Variants in PLD1 observed in about 807,000 individuals in gnomAD.
PLD1 encodes phospholipase D1.
PLD1 carries 112 observed loss-of-function variants against 137.1 expected under a neutral mutation model. The ratio of observed to expected loss-of-function variants is 0.82; its 90% CI spans 0.70 to 0.96. The LOEUF is 0.96. Among genes scored for constraint, PLD1 ranks in the 40% least tolerant of loss-of-function variants. PLD1 has a pLI of 0.00. For synonymous variants in PLD1, 431 were observed against 454.7 expected (o/e 0.95, Z 0.66); for missense variants, 1,321 against 1,342.0 (o/e 0.98, Z 0.24).
At chr3:171,638,506 C>T (rs1187108582) in intron 23 of PLD1, among the ~76,000 whole-genome samples, 1 of 152,090 alleles carries the variant, frequency 6.6e-6, no homozygotes, top group African/African-American at 2.4e-5. Context: ...TAACTGTATT[C>T]CTTTCTCCTA....
At chr3:171,644,008 T>A (rs948628404) in intron 22 of PLD1, among the ~76,000 whole-genome samples, 1 of 152,040 alleles carries the variant, frequency 6.6e-6, no homozygotes, top group South Asian at 2.1e-4. Flanking sequence ...AGCAGGAGCA[T>A]CTGGCGAGGG....
At chr3:171,759,992 T>C (rs1448285277) in intron 1 of PLD1, among the ~76,000 whole-genome samples, 1 of 152,228 alleles carries the variant, frequency 6.6e-6, no homozygotes, top group Non-Finnish European at 1.5e-5. Flanking sequence ...TCATTGTTGC[T>C]ACAAAAGGGT....
chr3:171,775,939 G>A (rs900281830), intron 1 of PLD1, among the ~76,000 whole-genome samples: 3 of 152,060 alleles, frequency 2.0e-5, no homozygotes, highest in Admixed American at 6.5e-5. Context: ...GCGAAAAGGG[G>A]GACCCTAGTA....
At chr3:171,622,409 C>T (rs1294617428) in intron 23 of PLD1, among the ~76,000 whole-genome samples, 1 of 152,082 alleles carries the variant, frequency 6.6e-6, no homozygotes, top group Non-Finnish European at 1.5e-5. Context: ...TTAGTATACA[C>T]TAAGAAAATA....
intron 20 of PLD1, among the ~76,000 whole-genome samples, chr3:171,659,998 G>A (rs1046766004): frequency 2.0e-5 from 3 of 152,080 alleles, no homozygotes; most frequent in African/African-American, 7.2e-5. Flanking sequence ...TCATAACAAT[G>A]CAAAATATTT....
At chr3:171,790,654 G>A (rs1305673612) in intron 1 of PLD1, among the ~76,000 whole-genome samples, 1 of 152,196 alleles carries the variant, frequency 6.6e-6, no homozygotes, top group Non-Finnish European at 1.5e-5. Flanking sequence ...GCCTGCAAAG[G>A]AAGCTGGCAT....
At chr3:171,759,705 G>A (rs1488367908) in intron 1 of PLD1, among the ~76,000 whole-genome samples, 11 of 152,178 alleles carry the variant, frequency 7.2e-5, no homozygotes, top group South Asian at 4.1e-4. Context: ...TACACATACC[G>A]TTTTGTTTCA....
chr3:171,688,924 TC>T (rs1287416219), intron 13 of PLD1, 48 bp from the exon 14 acceptor site: 22 of 1,416,690 alleles, frequency 1.6e-5, no homozygotes, highest in Non-Finnish European at 2.1e-5. Context: ...GAAATGTCCT[TC>T]CTGTCATAAT....
At chr3:171,778,397 T>C (rs1722660129) in intron 1 of PLD1, among the ~76,000 whole-genome samples, 1 of 152,110 alleles carries the variant, frequency 6.6e-6, no homozygotes, top group Admixed American at 6.5e-5. Context: ...TTAAAACAAA[T>C]ATATATAAAG....
chr3:171,610,292 G>GA (rs768115215), intron 25 of PLD1, among the ~76,000 whole-genome samples: 8 of 152,116 alleles, frequency 5.3e-5, no homozygotes, highest in African/African-American at 9.7e-5. Context: ...TATTGTAGAA[G>GA]AATACTCGAT....
chr3:171,635,612 A>C (rs1309848752), intron 23 of PLD1, among the ~76,000 whole-genome samples: 1 of 151,730 alleles, frequency 6.6e-6, no homozygotes, highest in South Asian at 2.1e-4. Context: ...TTATTTTTTG[A>C]GTTATTTTTA....
At chr3:171,759,629 G>A (rs911204430) in intron 1 of PLD1, among the ~76,000 whole-genome samples, 4 of 152,162 alleles carry the variant, frequency 2.6e-5, no homozygotes, top group Non-Finnish European at 5.9e-5. Context: ...AGAAAAGCTA[G>A]AGAATTCCAT....
In PLD1 at chr3:171,712,847, A is replaced by G. The variant is rs375800108; in HGVS notation, c.911+1046T>C. ...AGGAAGGTGTAATGGCAGCACCATT[A>G]TATTTCCAGTCACAATCTTAAATGT... On this transcript the variant is annotated intron_variant, in intron 9 of 26. Transcript: ENST00000351298. Among the ~76,000 whole-genome samples the G allele has an allele frequency of 9.2e-5, 14 of 152,344 alleles. 1 individual carries two copies. The highest frequency in any genetic ancestry group is 3.4e-4 in the African/African-American group (14 of 41,580).
chr3:171,654,088 G>T (rs1348877477), intron 21 of PLD1: 6 of 378,642 alleles, frequency 1.6e-5, no homozygotes, highest in Non-Finnish European at 5.2e-6. Flanking sequence ...ATCACTTGAG[G>T]TTAGGAGTTC....
chr3:171,780,976 T>C (rs1288916190), intron 1 of PLD1, among the ~76,000 whole-genome samples: 1 of 152,214 alleles, frequency 6.6e-6, no homozygotes, highest in African/African-American at 2.4e-5. Context: ...TAAATGTGTA[T>C]AGAAATTCAA....
At chr3:171,754,073 T>C (rs1490173738) in intron 1 of PLD1, among the ~76,000 whole-genome samples, 3 of 152,178 alleles carry the variant, frequency 2.0e-5, no homozygotes, top group Admixed American at 1.3e-4. Flanking sequence ...TTAGGTGCCT[T>C]TTCTCTCAGT....
At chr3:171,609,092 C>T (rs914774013) in intron 25 of PLD1, among the ~76,000 whole-genome samples, 2 of 152,050 alleles carry the variant, frequency 1.3e-5, no homozygotes, top group East Asian at 1.9e-4. Flanking sequence ...ATGGAAAAGA[C>T]ATTTTTGAAA....
chr3:171,764,953 A>AGGAAGGAAGGAAGGAAAGAAAG (rs71178236), intron 1 of PLD1, among the ~76,000 whole-genome samples: 1 of 54,892 alleles, frequency 1.8e-5, no homozygotes, highest in African/African-American at 5.4e-5. Flanking sequence ...AAAGAAAGAA[A>AGGAAGGAAGGAAGGAAAGAAAG]GAAAGAAAGA....
At chr3:171,772,413 C>T (rs1722406109) in intron 1 of PLD1, among the ~76,000 whole-genome samples, 1 of 152,174 alleles carries the variant, frequency 6.6e-6, no homozygotes, top group Non-Finnish European at 1.5e-5. Flanking sequence ...TTACTCAAAA[C>T]CTGTGAAATA....
Sources: allele counts gnomAD v4.1 joint callset (sites outside exome capture counted in the v4.1 genomes callset), GRCh38; gene constraint gnomAD v4.1.1; transcripts MANE v1.5; gene names NCBI Gene and HGNC (gene_info 2026-07-23, HGNC 2026-07-21).